SLC24A4: variants seen among roughly 807,000 people sequenced by gnomAD.
The protein encoded by SLC24A4 is sodium/potassium/calcium exchanger 4.
SLC24A4 carries 53 observed loss-of-function variants against 79.0 expected under a neutral mutation model. The observed-to-expected ratio is 0.67, with a 90% CI of 0.54 to 0.84. The LOEUF (loss-of-function observed/expected upper bound fraction) is 0.84. Among genes scored for constraint, SLC24A4 ranks in the 40% least tolerant of loss-of-function variants. The probability of loss-of-function intolerance (pLI) is 0.00; values close to 1 mark genes in which losing one functional copy is unlikely to be tolerated. For synonymous variants in SLC24A4, 323 were observed against 323.8 expected (o/e 1.00, Z 0.03); for missense variants, 731 against 822.0 (o/e 0.89, Z 1.35).
At chr14:92,364,236 C>G (rs1034557054) in intron 2 of SLC24A4, among the ~76,000 whole-genome samples, 1 of 152,192 alleles carries the variant, frequency 6.6e-6, no homozygotes, top group African/African-American at 2.4e-5. Context: ...GCTCACCACC[C>G]AGCCAGTAGC....
At chr14:92,382,198 G>A (rs933069335) in intron 2 of SLC24A4, among the ~76,000 whole-genome samples, 6 of 151,602 alleles carry the variant, frequency 4.0e-5, no homozygotes, top group African/African-American at 4.9e-5. Context: ...GTATACATGC[G>A]CCTGGGTTAA....
At chr14:92,407,885 G>A (rs917742632) in intron 2 of SLC24A4, among the ~76,000 whole-genome samples, 3 of 140,038 alleles carry the variant, frequency 2.1e-5, no homozygotes, top group South Asian at 4.6e-4. Flanking sequence ...GTGTGTGTGT[G>A]TGTGTGTGTG....
rs778056515 is a variant in SLC24A4 at position 92,325,980 on chromosome 14, T to G, written c.241+2T>G. On this transcript the variant is annotated splice_donor_variant, in intron 2 of 16. Coordinates refer to ENST00000532405, the MANE Select transcript of SLC24A4 (RefSeq NM_153646.4). LOFTEE classifies it high-confidence loss of function. The stretch of plus-strand genomic sequence containing the variant: ...CAGCCAAGAACTGCACAGATCCTGG[T>G]AAGAAATCAATTCTTCTCCACTCAG... 2.5e-6 allele frequency: 4 copies of G among 1,595,686 alleles called. No homozygotes were observed. Among genetic ancestry groups the G allele is most frequent in the Non-Finnish European group, 3.4e-6 (4 of 1,164,858 alleles).
In SLC24A4 at chr14:92,461,538, T is replaced by C. The variant is rs1010413279; in HGVS notation, c.1255+4930T>C. Among the ~76,000 whole-genome samples the C allele has an allele frequency of 5.7e-4, 86 of 151,850 alleles. 1 individual carries two copies. The highest frequency in any genetic ancestry group is 2.5e-4 in the Non-Finnish European group (17 of 67,966). On this transcript the variant is annotated intron_variant, in intron 12 of 16. Coordinates refer to ENST00000532405, the MANE Select transcript of SLC24A4 (RefSeq NM_153646.4). ...CAGCTGCCTTTTTGTTCACGTGGCCTTGTTTGTTTGTTTGTTTGGTGCATG... is the reference window on the plus strand; with the variant it reads ...CAGCTGCCTTTTTGTTCACGTGGCCCTGTTTGTTTGTTTGTTTGGTGCATG...
rs545535888 is a variant in SLC24A4 at position 92,466,553 on chromosome 14, A to T, written c.1255+9945A>T. On this transcript the variant is annotated intron_variant, in intron 12 of 16. Transcript: ENST00000532405. ...CTAAATTTAATGGTACAAAAAAATA[A>T]TAAAAATACCAAAAATTAGATTCTA... 5.9e-5 allele frequency among the ~76,000 whole-genome samples: 9 copies of T among 152,228 alleles called. No homozygotes were observed. The South Asian group carries it at 8.3e-4, about 14-fold the overall frequency.
chr14:92,345,677 G>C (rs932436504), intron 2 of SLC24A4, among the ~76,000 whole-genome samples: 4 of 152,124 alleles, frequency 2.6e-5, no homozygotes, highest in Non-Finnish European at 5.9e-5. Context: ...ACTGCGGCCT[G>C]GGTGACAGAG....
At chr14:92,433,403 G>C (rs1015000823) in intron 2 of SLC24A4, among the ~76,000 whole-genome samples, 20 of 152,166 alleles carry the variant, frequency 1.3e-4, no homozygotes, top group African/African-American at 4.8e-4. Flanking sequence ...ATATGGCTAT[G>C]AACATTGATG....
In SLC24A4 at chr14:92,483,954, CG is replaced by C. The variant is rs976189072; in HGVS notation, c.1422+1109del. 2.4e-6 allele frequency: 3 copies of C among 1,238,046 alleles called. No homozygotes were observed. In the African/African-American group the frequency reaches 4.7e-5, roughly 19 times the overall value. The allele number at this position is 1,238,046 out of a possible 1,614,324, so 76.7% of individuals were successfully genotyped here. A position where few individuals can be genotyped will look rare whatever the true frequency, so the allele number is the denominator to read the frequency against. On this transcript the variant is annotated intron_variant, in intron 13 of 16. Transcript: ENST00000532405. ...ACCTTTCCCTTAACTCCAGAGAAACCGTGTCGTTTGGTGGGGAACAAAGGAT... is the reference window on the plus strand; with the variant it reads ...ACCTTTCCCTTAACTCCAGAGAAACCTGTCGTTTGGTGGGGAACAAAGGAT...
chr14:92,351,539 T>C (rs995946799), intron 2 of SLC24A4, among the ~76,000 whole-genome samples: 11 of 152,236 alleles, frequency 7.2e-5, no homozygotes, highest in Non-Finnish European at 1.3e-4. Flanking sequence ...AGAGCTATTC[T>C]TAAGTGTTTC....
chr14:92,493,395 A>T, intron 16 of SLC24A4, 81 bp from the exon 17 acceptor site: 1 of 1,530,618 alleles, frequency 6.5e-7, no homozygotes, highest in Admixed American at 1.8e-5. Context: ...AGGTTTCCCC[A>T]CATAGGTGTC....
chr14:92,326,084 G>A, intron 2 of SLC24A4, 106 bp downstream of exon 2: 1 of 736,704 alleles, frequency 1.4e-6, no homozygotes, highest in Non-Finnish European at 2.3e-6. Flanking sequence ...GGTGGTTTAT[G>A]GACTTGAGTG....
intron 2 of SLC24A4, among the ~76,000 whole-genome samples, chr14:92,335,080 AC>A (rs897840625): frequency 1.9e-4 from 29 of 152,188 alleles, no homozygotes; most frequent in African/African-American, 6.8e-4. Flanking sequence ...CACGCGGCCA[AC>A]AAAAAGCAGA....
At chr14:92,461,363 T>C (rs191895469) in intron 12 of SLC24A4, among the ~76,000 whole-genome samples, 1 of 152,354 alleles carries the variant, frequency 6.6e-6, no homozygotes, top group Admixed American at 6.5e-5. Context: ...GTAATTCTTA[T>C]ATTAGTCAGC....
At chr14:92,456,655 C>A in intron 12 of SLC24A4, 47 bp downstream of exon 12, 2 of 1,578,268 alleles carry the variant, frequency 1.3e-6, no homozygotes, top group South Asian at 1.1e-5. Flanking sequence ...TTTGGGGGCT[C>A]CATTAGGACC....
intron 13 of SLC24A4, among the ~76,000 whole-genome samples, chr14:92,485,989 G>A (rs979633451): frequency 1.3e-4 from 20 of 152,172 alleles, no homozygotes; most frequent in African/African-American, 3.1e-4. Flanking sequence ...CAGTGTCCAC[G>A]TTAGCCTTGA....
chr14:92,359,099 C>T (rs1196821154), intron 2 of SLC24A4, among the ~76,000 whole-genome samples: 1 of 152,130 alleles, frequency 6.6e-6, no homozygotes, highest in Admixed American at 6.5e-5. Flanking sequence ...TCTAGGAGGC[C>T]AGTCTAGTCT....
chr14:92,338,921 C>A (rs972237750), intron 2 of SLC24A4, among the ~76,000 whole-genome samples: 1 of 152,178 alleles, frequency 6.6e-6, no homozygotes, highest in Non-Finnish European at 1.5e-5. Context: ...AGACAGGAGT[C>A]GGACATAGAC....
chr14:92,382,887 A>G (rs1342478235), intron 2 of SLC24A4, among the ~76,000 whole-genome samples: 2 of 152,306 alleles, frequency 1.3e-5, no homozygotes, highest in Non-Finnish European at 1.5e-5. Flanking sequence ...CTTCTAGGCC[A>G]TGGAGTTCTT....
Position 92,361,670 on chromosome 14 carries a change from G to T in SLC24A4, c.241+35692G>T, listed in dbSNP as rs532568362. On this transcript the variant is annotated intron_variant, in intron 2 of 16. Coordinates refer to ENST00000532405, the MANE Select transcript of SLC24A4 (RefSeq NM_153646.4). ...AAATAGTGCACAAGCGTACTGTTTG[G>T]TGGGACAAACAAAGCAGGGTGATAA... Among the ~76,000 whole-genome samples the T allele has an allele frequency of 3.3e-5, 5 of 152,282 alleles. No individual in the cohort carries two copies. In the South Asian group the frequency reaches 8.3e-4, roughly 25 times the overall value.
Sources: gnomAD v4.1 joint callset for allele counts (sites outside exome capture counted in the v4.1 genomes callset) on GRCh38, gnomAD v4.1.1 for gene constraint, MANE v1.5 for transcripts, NCBI Gene and HGNC (gene_info 2026-07-23, HGNC 2026-07-21) for gene names.